YWHAG: variants seen among roughly 807,000 people sequenced by gnomAD.
The protein encoded by YWHAG is 14-3-3 protein gamma.
Under a neutral mutation model 23.3 loss-of-function variants are expected in YWHAG, and 1 was observed. The observed-to-expected ratio is 0.04, with a 90% CI of 0.02 to 0.20. YWHAG has a LOEUF of 0.20. Ranked by LOEUF, YWHAG falls within the 10% of genes least tolerant of loss-of-function variation. YWHAG has a pLI of 1.00. For synonymous variants in YWHAG, 160 were observed against 144.0 expected (o/e 1.11, Z -0.80); for missense variants, 151 against 338.6 (o/e 0.45, Z 4.35).
chr7:76,350,381 T>C (rs1203945994), intron 1 of YWHAG, among the ~76,000 whole-genome samples: 5 of 152,234 alleles, frequency 3.3e-5, no homozygotes, highest in African/African-American at 1.2e-4. Context: ...ACATTATTCT[T>C]AGCTGGTTTT....
intron 1 of YWHAG, 99 bp from the exon 2 acceptor site, chr7:76,330,332 G>T: frequency 7.9e-7 from 1 of 1,260,132 alleles, no homozygotes; most frequent in East Asian, 2.4e-5. Context: ...TGAGTAACAT[G>T]ATGAACAGAA....
intron 1 of YWHAG, among the ~76,000 whole-genome samples, chr7:76,348,453 A>C (rs1583991520): frequency 3.1e-5 from 4 of 131,104 alleles, no homozygotes; most frequent in Non-Finnish European, 1.6e-5. Flanking sequence ...AGACAGTCTC[A>C]CTCTGTTGCC....
At chr7:76,350,968 ATAAT>A (rs1053741196) in intron 1 of YWHAG, among the ~76,000 whole-genome samples, 10 of 152,246 alleles carry the variant, frequency 6.6e-5, no homozygotes, top group Non-Finnish European at 1.3e-4. Flanking sequence ...AAGCAAAAAA[ATAAT>A]TAAATTATGA....
chr7:76,346,506 G>A (rs746014656), intron 1 of YWHAG, among the ~76,000 whole-genome samples: 2 of 152,246 alleles, frequency 1.3e-5, no homozygotes, highest in South Asian at 2.1e-4. Context: ...TACGAATGGC[G>A]GTCAAATTGA....
chr7:76,358,861 A>C lies in YWHAG; in HGVS notation c.-53T>G. ...AGGAGGAGGACACTGGGGCGGCCTG[A>C]AGGGCTTGGAGGGCGCGACTGGAGC... On this transcript the variant is annotated 5_prime_UTR_variant, in exon 1 of 2. Transcript: ENST00000307630. 1.3e-6 allele frequency: 2 copies of C among 1,542,900 alleles called. No homozygotes were observed. Among genetic ancestry groups the C allele is most frequent in the Non-Finnish European group, 1.8e-6 (2 of 1,139,476 alleles).
chr7:76,336,836 T>C (rs1803623596), intron 1 of YWHAG, among the ~76,000 whole-genome samples: 1 of 151,700 alleles, frequency 6.6e-6, no homozygotes, highest in Non-Finnish European at 1.5e-5. Flanking sequence ...CTCCTAGAAT[T>C]TGAGAATATT....
rs544584273 is a variant in YWHAG at position 76,354,219 on chromosome 7, T to C, written c.87+4503A>G. Among the ~76,000 whole-genome samples, 8 of 152,194 alleles carry C rather than the reference T, an allele frequency of 5.3e-5. No individual in the cohort carries two copies. In the East Asian group the frequency reaches 1.5e-3, roughly 29 times the overall value. On this transcript the variant is annotated intron_variant, in intron 1 of 1. Transcript: ENST00000307630. ...CCCTTTGACTACCGAGCATAGAAAGTGGTCCTTGAGGCTGGGCACGGTGGC... is the reference window on the plus strand; with the variant it reads ...CCCTTTGACTACCGAGCATAGAAAGCGGTCCTTGAGGCTGGGCACGGTGGC...
intron 1 of YWHAG, 41 bp downstream of exon 1, chr7:76,358,681 G>C (rs777051691): frequency 1.8e-5 from 27 of 1,537,194 alleles, no homozygotes; most frequent in Non-Finnish European, 2.4e-5. Flanking sequence ...CCGCGTCTTC[G>C]GAGGGGCAGG....
chr7:76,339,002 C>G lies in YWHAG; in HGVS notation c.88-8769G>C, dbSNP rs77354259. On this transcript the variant is annotated intron_variant, in intron 1 of 1. Coordinates refer to ENST00000307630, the MANE Select transcript of YWHAG (RefSeq NM_012479.4). The stretch of plus-strand genomic sequence containing the variant: ...TAGTACTTATTCCAACAAACCCTCT[C>G]CACAATTTACCCTGTTATTCATACC... Among the ~76,000 whole-genome samples the G allele has an allele frequency of 1.9e-3, 289 of 152,308 alleles. 3 individuals are homozygous for G. The highest frequency in any genetic ancestry group is 6.8e-3 in the African/African-American group (283 of 41,556).
chr7:76,334,679 G>C (rs567887639), intron 1 of YWHAG, among the ~76,000 whole-genome samples: 1 of 151,236 alleles, frequency 6.6e-6, no homozygotes, highest in Non-Finnish European at 1.5e-5. Context: ...GCCTCCTAAA[G>C]TTCTGGGATT....
chr7:76,356,177 A>G (rs1803952798), intron 1 of YWHAG, among the ~76,000 whole-genome samples: 1 of 152,242 alleles, frequency 6.6e-6, no homozygotes, highest in Non-Finnish European at 1.5e-5. Context: ...CTTTCTCTGC[A>G]GTTTCCAAAT....
At chr7:76,341,404 CAAAAAAAAAAA>C (rs1158151013) in intron 1 of YWHAG, among the ~76,000 whole-genome samples, 84 of 44,660 alleles carry the variant, frequency 1.9e-3, no homozygotes, top group African/African-American at 4.8e-3. Context: ...ACTCTTGCCT[CAAAAAAAAAAA>C]AAAAAAAAAA....
At chr7:76,341,263 G>T (rs1169356253) in intron 1 of YWHAG, among the ~76,000 whole-genome samples, 1 of 151,944 alleles carries the variant, frequency 6.6e-6, no homozygotes, top group Non-Finnish European at 1.5e-5. Context: ...AATGAGCCGG[G>T]CATGGTGGCT....
rs774965864 is a variant in YWHAG at position 76,358,823 on chromosome 7, G to A, written c.-15C>T. On this transcript the variant is annotated 5_prime_UTR_variant, in exon 1 of 2. Coordinates refer to ENST00000307630, the MANE Select transcript of YWHAG (RefSeq NM_012479.4). ...CGGTCCACCATCTTCGCGGGGCTGG[G>A]TCTGGCCGGAGAAGGAGGAGGACAC... 3.8e-6 allele frequency: 6 copies of A among 1,586,186 alleles called. No homozygotes were observed. The Admixed American group carries it at 1.1e-4, about 28-fold the overall frequency.
rs761378580 is a variant in YWHAG at position 76,345,925 on chromosome 7, A to G, written c.87+12797T>C. Among the ~76,000 whole-genome samples, 8 of 152,288 alleles carry G rather than the reference A, an allele frequency of 5.3e-5. No homozygotes were observed. In the East Asian group the frequency reaches 9.7e-4, roughly 18 times the overall value. The stretch of plus-strand genomic sequence containing the variant: ...CAGTGCACTCCAGCCTGGGCTACAG[A>G]GTGAAACTCCGCCTCAAAAAAAAAT... On this transcript the variant is annotated intron_variant, in intron 1 of 1. Coordinates refer to ENST00000307630, the MANE Select transcript of YWHAG (RefSeq NM_012479.4).
intron 1 of YWHAG, among the ~76,000 whole-genome samples, chr7:76,357,774 C>A (rs1237555555): frequency 1.3e-5 from 2 of 152,212 alleles, no homozygotes; most frequent in Non-Finnish European, 1.5e-5. Flanking sequence ...AATGCAGAAT[C>A]TTCTGGAATG....
intron 1 of YWHAG, among the ~76,000 whole-genome samples, chr7:76,355,201 GAC>G (rs1294417958): frequency 2.0e-5 from 3 of 152,186 alleles, no homozygotes; most frequent in Non-Finnish European, 4.4e-5. Flanking sequence ...GTGACTATGT[GAC>G]AGTTATGTTA....
At chr7:76,341,198 G>A (rs1381954465) in intron 1 of YWHAG, among the ~76,000 whole-genome samples, 3 of 152,100 alleles carry the variant, frequency 2.0e-5, no homozygotes, top group Non-Finnish European at 4.4e-5. Context: ...TTTGAGACCA[G>A]CCTGGGCAAC....
rs180755333 is a variant in YWHAG at position 76,358,471 on chromosome 7, G to A, written c.87+251C>T. On this transcript the variant is annotated intron_variant, in intron 1 of 1. Coordinates refer to ENST00000307630, the MANE Select transcript of YWHAG (RefSeq NM_012479.4). ...CCCGCTCCCAAGTCCAGCCCCGCGG[G>A]ACCTCGCCCCGGCCCGCGCCCGCGC... Among the ~76,000 whole-genome samples the A allele has an allele frequency of 5.7e-4, 87 of 152,092 alleles. 1 individual carries two copies. In the East Asian group the frequency reaches 0.016, roughly 28 times the overall value.
Sources: allele counts gnomAD v4.1 joint callset (sites outside exome capture counted in the v4.1 genomes callset), GRCh38; gene constraint gnomAD v4.1.1; transcripts MANE v1.5; gene names NCBI Gene and HGNC (gene_info 2026-07-23, HGNC 2026-07-21).